The following CIRSR variants were observed in gnomAD, a reference collection of about 807,000 sequenced individuals.
CIRSR encodes corepressor of RBPJ and splicing regulator, also known as CBF1 (RBPJ) interacting corepressor 1.
At chr2:174,367,886 T>C in the CIRSR span, among the ~76,000 whole-genome samples, 1 of 150,238 alleles carries the variant, frequency 6.7e-6, no homozygotes, top group Non-Finnish European at 1.5e-5. Flanking sequence ...CAGAAAAAGA[T>C]ATACCATGCT....
chr2:174,386,563 T>C, the CIRSR span, among the ~76,000 whole-genome samples: 1 of 152,164 alleles, frequency 6.6e-6, no homozygotes, highest in Non-Finnish European at 1.5e-5. Context: ...CTGTGCATTG[T>C]AGGCTGTTTT....
chr2:174,380,824 A>T, the CIRSR span: 16 of 1,584,498 alleles, frequency 1.0e-5, no homozygotes, highest in Non-Finnish European at 1.4e-5. Flanking sequence ...TCTTGATTGC[A>T]TATCAAAAAT....
chr2:174,369,964 A>T, the CIRSR span: 1 of 1,363,828 alleles, frequency 7.3e-7, no homozygotes, highest in Non-Finnish European at 9.8e-7. Flanking sequence ...TGGTGCTGAT[A>T]GATTTGCTCA....
the CIRSR span, chr2:174,381,692 G>GT: frequency 3.2e-6 from 5 of 1,562,670 alleles, no homozygotes; most frequent in Admixed American, 1.0e-4. Flanking sequence ...AGAAACGGAA[G>GT]AAGATAAGTA....
At chr2:174,373,964 T>C in the CIRSR span, among the ~76,000 whole-genome samples, 1 of 152,194 alleles carries the variant, frequency 6.6e-6, no homozygotes, top group Admixed American at 6.5e-5. Context: ...GTGAACGTCA[T>C]CTTGGAGAGT....
the CIRSR span, among the ~76,000 whole-genome samples, chr2:174,356,494 G>C: frequency 1.4e-5 from 2 of 142,616 alleles, no homozygotes; most frequent in Admixed American, 1.5e-4. Context: ...AAAGACAGAC[G>C]GGAAGGAAGA....
At chr2:174,374,199 T>C in the CIRSR span, among the ~76,000 whole-genome samples, 1 of 152,278 alleles carries the variant, frequency 6.6e-6, no homozygotes, top group Non-Finnish European at 1.5e-5. Context: ...TTAAATCTTC[T>C]GTGCTTATGT....
the CIRSR span, among the ~76,000 whole-genome samples, chr2:174,386,223 C>T: frequency 6.6e-6 from 1 of 152,108 alleles, no homozygotes; most frequent in Non-Finnish European, 1.5e-5. Context: ...CTCTTGTTGG[C>T]CACGCTGGAG....
the CIRSR span, among the ~76,000 whole-genome samples, chr2:174,365,026 A>G: frequency 4.6e-5 from 7 of 152,130 alleles, no homozygotes; most frequent in Admixed American, 2.0e-4. Context: ...CAGGCTGCAA[A>G]TTTTCCAAAC....
chr2:174,360,278 CTTG>C, the CIRSR span, among the ~76,000 whole-genome samples: 1 of 152,068 alleles, frequency 6.6e-6, no homozygotes. Flanking sequence ...CTTGAGAGAG[CTTG>C]TTTTTTGCCT....
chr2:174,369,835 A>C, the CIRSR span, among the ~76,000 whole-genome samples: 150 of 152,328 alleles, frequency 9.8e-4, no homozygotes, highest in African/African-American at 2.8e-3. Flanking sequence ...TTACGATAGT[A>C]ATGTCAAAGA....
chr2:174,374,239 CCTTT>C, the CIRSR span, among the ~76,000 whole-genome samples: 3 of 152,162 alleles, frequency 2.0e-5, no homozygotes, highest in African/African-American at 7.2e-5. Flanking sequence ...TTTTGGTCAA[CCTTT>C]CTTTCTACCT....
chr2:174,362,685 T>TAAAAAAAAA, the CIRSR span, among the ~76,000 whole-genome samples: 1 of 83,994 alleles, frequency 1.2e-5, no homozygotes, highest in African/African-American at 8.0e-5. Context: ...AGACTCTGCC[T>TAAAAAAAAA]CAAAAAAAAA....
At chr2:174,391,683 G>A in the CIRSR span, among the ~76,000 whole-genome samples, 4 of 152,114 alleles carry the variant, frequency 2.6e-5, no homozygotes, top group Non-Finnish European at 5.9e-5. Flanking sequence ...ACTCAATCCT[G>A]TAATATTTTA....
chr2:174,374,890 TTAATC>T, the CIRSR span, among the ~76,000 whole-genome samples: 1 of 152,240 alleles, frequency 6.6e-6, no homozygotes, highest in Admixed American at 6.5e-5. Context: ...TCCTGATCAC[TTAATC>T]TAAAGTAATT....
At chr2:174,368,759 G>C in the CIRSR span, among the ~76,000 whole-genome samples, 3 of 152,170 alleles carry the variant, frequency 2.0e-5, no homozygotes, top group African/African-American at 7.2e-5. Context: ...TGGGTCACTA[G>C]GTGCATTGTA....
chr2:174,363,840 CA>C, the CIRSR span, among the ~76,000 whole-genome samples: 2 of 152,158 alleles, frequency 1.3e-5, no homozygotes, highest in Non-Finnish European at 2.9e-5. Context: ...GGGTCCCTCC[CA>C]TAACACATGG....
chr2:174,349,218 A>ATGAAATAACTGT, the CIRSR span: 1 of 986,218 alleles, frequency 1.0e-6, no homozygotes, highest in Non-Finnish European at 1.4e-6. Flanking sequence ...AAAAACAGTT[A>ATGAAATAACTGT]TTTCATCAAC....
chr2:174,354,573 AT>A, the CIRSR span, among the ~76,000 whole-genome samples: 1 of 15,460 alleles, frequency 6.5e-5, no homozygotes, highest in African/African-American at 1.1e-4. Flanking sequence ...TATATATTAT[AT>A]TATATATTAT....
Sources: gnomAD v4.1 joint callset for allele counts (sites outside exome capture counted in the v4.1 genomes callset) on GRCh38, gnomAD v4.1.1 for gene constraint, MANE v1.5 for transcripts, NCBI Gene and HGNC (gene_info 2026-07-23, HGNC 2026-07-21) for gene names.